The following USP10 variants were observed in gnomAD, a reference collection of about 807,000 sequenced individuals.
USP10 encodes ubiquitin specific peptidase 10, also known as ubiquitin carboxyl-terminal hydrolase 10.
USP10 carries 22 observed loss-of-function variants against 84.5 expected under a neutral mutation model. That is an observed-to-expected ratio of 0.26 (90% confidence interval 0.19 to 0.37). The LOEUF is 0.37. Ranked by LOEUF, USP10 falls within the 10% of genes least tolerant of loss-of-function variation. The pLI is 1.00. For synonymous variants in USP10, 454 were observed against 387.6 expected, an observed-to-expected ratio of 1.17 and a Z score of -2.01; for missense variants, 1,019 against 998.9, an observed-to-expected ratio of 1.02 and a Z score of -0.27.
rs374949226 is a variant in USP10 at position 84,778,224 on chromosome 16, A to T, written c.2210-671A>T. ...CCCACCACAGCTCCACGCTCAAGCA[A>T]CCGTGGTTAGCAGTCCCAGGGTCCC... On this transcript the variant is annotated intron_variant, in intron 13 of 13. Coordinates refer to ENST00000219473, the MANE Select transcript of USP10 (RefSeq NM_005153.3). Among the ~76,000 whole-genome samples, 35 of 152,066 alleles carry T rather than the reference A, an allele frequency of 2.3e-4. No individual in the cohort carries two copies. In the East Asian group the frequency reaches 4.8e-3, roughly 21 times the overall value.
chr16:84,765,384 G>A (rs1913737114), intron 10 of USP10, among the ~76,000 whole-genome samples: 1 of 151,872 alleles, frequency 6.6e-6, no homozygotes, highest in East Asian at 1.9e-4. Context: ...CTGTTCGCCT[G>A]TGTGGCTGCC....
chr16:84,774,096 A>G (rs11864802), intron 12 of USP10, among the ~76,000 whole-genome samples: 3,841 of 152,160 alleles, frequency 0.025, 147 homozygotes, highest in African/African-American at 0.088. Flanking sequence ...CTAAAAACAC[A>G]AAAATTAGCC....
intron 11 of USP10, among the ~76,000 whole-genome samples, chr16:84,771,054 CA>C (rs34058047): frequency 0.54 from 70,971 of 130,428 alleles, 18,476 homozygotes; most frequent in Non-Finnish European, 0.63. Context: ...GAGACTGTCT[CA>C]AAAAAAAAAA....
chr16:84,707,168 T>C (rs1905640611), intron 1 of USP10, among the ~76,000 whole-genome samples: 1 of 152,338 alleles, frequency 6.6e-6, no homozygotes, highest in Middle Eastern at 3.4e-3. Flanking sequence ...TTTTCTACTT[T>C]GCCAGACTGG....
Position 84,717,465 on chromosome 16 carries a change from T to C in USP10, c.22-15970T>C, listed in dbSNP as rs1314428694. Among the ~76,000 whole-genome samples the C allele has an allele frequency of 2.6e-5, 4 of 152,264 alleles. No homozygotes were observed. The East Asian group carries it at 7.7e-4, about 29-fold the overall frequency. On this transcript the variant is annotated intron_variant, in intron 1 of 13. Coordinates refer to ENST00000219473, the MANE Select transcript of USP10 (RefSeq NM_005153.3). ...CCAGTTCTTTGAAGGCAGGACACAT[T>C]GCTTAAACATTTTAAACTGCTTTTT...
At chr16:84,776,528 C>G (rs1411430687) in intron 13 of USP10, among the ~76,000 whole-genome samples, 2 of 152,230 alleles carry the variant, frequency 1.3e-5, no homozygotes, top group Non-Finnish European at 2.9e-5. Context: ...AATGGAAGGT[C>G]TGAGTCCTCA....
chr16:84,722,787 C>G (rs1219052086), intron 1 of USP10, among the ~76,000 whole-genome samples: 1 of 152,116 alleles, frequency 6.6e-6, no homozygotes, highest in Non-Finnish European at 1.5e-5. Flanking sequence ...ACTCCCTAAC[C>G]TCAAGTGATT....
chr16:84,758,218 T>C (rs1380123336), intron 4 of USP10, among the ~76,000 whole-genome samples: 1 of 152,254 alleles, frequency 6.6e-6, no homozygotes, highest in African/African-American at 2.4e-5. Context: ...TTTTACTCAC[T>C]GAACAGCCAT....
chr16:84,723,433 A>G (rs867051372), intron 1 of USP10, among the ~76,000 whole-genome samples: 5 of 152,234 alleles, frequency 3.3e-5, no homozygotes, highest in Non-Finnish European at 1.5e-5. Context: ...TAGCTGGAAC[A>G]TCTCTGGTGA....
chr16:84,701,936 TC>T (rs372156411), intron 1 of USP10, among the ~76,000 whole-genome samples: 1,380 of 137,954 alleles, frequency 0.01, 74 homozygotes, highest in African/African-American at 0.021. Flanking sequence ...ATTTTCTTCT[TC>T]TTTTTTTTTT....
intron 4 of USP10, among the ~76,000 whole-genome samples, chr16:84,751,886 G>A (rs960843461): frequency 4.6e-5 from 7 of 152,260 alleles, no homozygotes; most frequent in South Asian, 2.1e-4. Flanking sequence ...AGAATTTGAT[G>A]TGTAAAATAT....
intron 3 of USP10, among the ~76,000 whole-genome samples, chr16:84,743,629 C>A (rs1480092972): frequency 6.6e-6 from 1 of 152,102 alleles, no homozygotes; most frequent in South Asian, 2.1e-4. Flanking sequence ...AGGCATGTGT[C>A]CTTCCCTTAA....
intron 1 of USP10, among the ~76,000 whole-genome samples, chr16:84,721,857 C>G (rs1907857360): frequency 6.6e-6 from 1 of 152,242 alleles, no homozygotes; most frequent in Non-Finnish European, 1.5e-5. Flanking sequence ...GCCGCCACAC[C>G]TGGCTAATTT....
Position 84,779,349 on chromosome 16 carries a change from A to C in USP10, c.*267A>C. On this transcript the variant is annotated 3_prime_UTR_variant, in exon 14 of 14. Transcript: ENST00000219473. The stretch of plus-strand genomic sequence containing the variant: ...AACCCATATTTCTGAAATAATGCTG[A>C]TTCCTGAGATAAGAAAGTGGATTTG... 2 of 289,926 alleles carry C rather than the reference A, an allele frequency of 6.9e-6. No individual in the cohort carries two copies. The highest frequency in any genetic ancestry group is 1.3e-5 in the Non-Finnish European group (2 of 155,494). The allele number at this position is 289,926 out of a possible 1,614,324, so 18.0% of individuals were successfully genotyped here.
chr16:84,757,395 GGGTGGGGGT>G lies in USP10; in HGVS notation c.1193-1319_1193-1311del, dbSNP rs1473915103. On this transcript the variant is annotated intron_variant, in intron 4 of 13. Transcript: ENST00000219473. ...ATTCATAGGAAGGAGGGAATGAGAGGGGTGGGGGTGTGTGTGTGTGTGTGTGTGTGTGTG... is the reference window on the plus strand; with the variant it reads ...ATTCATAGGAAGGAGGGAATGAGAGGGTGTGTGTGTGTGTGTGTGTGTGTG... 4.4e-3 allele frequency among the ~76,000 whole-genome samples: 366 copies of G among 82,596 alleles called. 2 individuals are homozygous for G. Among genetic ancestry groups the G allele is most frequent in the African/African-American group, 0.014 (323 of 22,712 alleles). 54.2% of individuals were successfully genotyped at this position (82,596 alleles called of 152,430 possible). A position where few individuals can be genotyped will look rare whatever the true frequency, so the allele number is the denominator to read the frequency against.
intron 12 of USP10, 22 bp from the exon 13 acceptor site, chr16:84,775,138 C>A: frequency 6.2e-7 from 1 of 1,611,862 alleles, no homozygotes; most frequent in Non-Finnish European, 8.5e-7. Context: ...GTGCTTCAAG[C>A]CATTGATATT....
At chr16:84,702,473 A>T (rs754931547) in intron 1 of USP10, among the ~76,000 whole-genome samples, 1 of 152,136 alleles carries the variant, frequency 6.6e-6, no homozygotes, top group South Asian at 2.1e-4. Context: ...GTTTTAATAA[A>T]TTTGTTTTAC....
chr16:84,701,206 A>G (rs1351974156), intron 1 of USP10, among the ~76,000 whole-genome samples: 2 of 152,218 alleles, frequency 1.3e-5, no homozygotes, highest in East Asian at 1.9e-4. Context: ...TTTCGGAACT[A>G]TTGTAATGAA....
intron 1 of USP10, among the ~76,000 whole-genome samples, chr16:84,711,890 T>C (rs1017841287): frequency 6.6e-6 from 1 of 152,068 alleles, no homozygotes; most frequent in African/African-American, 2.4e-5. Flanking sequence ...TGGCTAATTT[T>C]TGTATTTTTA....
Sources: gnomAD v4.1 joint callset for allele counts (sites outside exome capture counted in the v4.1 genomes callset) on GRCh38, gnomAD v4.1.1 for gene constraint, MANE v1.5 for transcripts, NCBI Gene and HGNC (gene_info 2026-07-23, HGNC 2026-07-21) for gene names.